The following ISCU variants were observed in gnomAD, a reference collection of about 807,000 sequenced individuals.
ISCU encodes iron-sulfur cluster assembly enzyme.
Under a neutral mutation model 18.4 loss-of-function variants are expected in ISCU, and 13 were observed. That is an observed-to-expected ratio of 0.71 (90% CI 0.46 to 1.12). The LOEUF is 1.12. Among genes scored for constraint, ISCU ranks in the 50% most tolerant of loss-of-function variants. ISCU has a pLI of 0.00. For synonymous variants in ISCU, 104 were observed against 87.5 expected (o/e 1.19, Z -1.06); for missense variants, 229 against 208.7 (o/e 1.10, Z -0.60).
At chr12:108,566,469 T>G (rs1313941623) in intron 3 of ISCU, among the ~76,000 whole-genome samples, 1 of 152,222 alleles carries the variant, frequency 6.6e-6, no homozygotes, top group Admixed American at 6.5e-5. Flanking sequence ...GAGCAGAACC[T>G]GAATCAACCA....
intron 2 of ISCU, 89 bp downstream of exon 2, chr12:108,564,481 C>T (rs1406508876): frequency 1.2e-6 from 1 of 868,330 alleles, no homozygotes; most frequent in Non-Finnish European, 1.9e-6. Context: ...CATCTTTATT[C>T]CTGTGAGATC....
At chr12:108,561,822 T>C (rs1015750484), upstream of ISCU, among the ~76,000 whole-genome samples, 2 of 151,824 alleles carry the variant, frequency 1.3e-5, no homozygotes, top group Admixed American at 1.3e-4. Context: ...GCTGTTGTTT[T>C]AGAGAGAAAA....
At chr12:108,564,024 C>T in intron 1 of ISCU, 1 of 1,375,746 alleles carries the variant, frequency 7.3e-7, no homozygotes, top group Non-Finnish European at 1.0e-6. Flanking sequence ...TCCTATGGAA[C>T]TAAGACATGA....
At position 108,569,170 on chromosome 12, in the gene ISCU, A is replaced by G; in HGVS notation, c.*254A>G. ...TATTTTGAATTGTGTGTATGACCTC[A>G]GAACTGAAATTGATAATGAAGTTGC... is the stretch of plus-strand genomic sequence containing the variant. On this transcript the variant is annotated 3_prime_UTR_variant, in exon 5 of 5. Coordinates refer to ENST00000311893, the MANE Select transcript of ISCU (RefSeq NM_213595.4). 2.0e-6 allele frequency: 1 copy of G among 498,604 alleles called. No homozygotes were observed. The highest frequency in any genetic ancestry group is 2.2e-5 in the South Asian group (1 of 45,394). 30.9% of individuals were successfully genotyped at this position (498,604 alleles called of 1,614,324 possible). A position where few individuals can be genotyped will look rare whatever the true frequency, so the allele number is the denominator to read the frequency against.
chr12:108,568,127 C>T (rs2030987511), intron 4 of ISCU: 2 of 1,366,822 alleles, frequency 1.5e-6, no homozygotes, highest in Non-Finnish European at 1.9e-6. Flanking sequence ...TTTAAGTACC[C>T]ATAAAGAAAG....
upstream of ISCU, among the ~76,000 whole-genome samples, chr12:108,562,393 A>AC (rs1565872933): frequency 6.6e-6 from 1 of 152,232 alleles, no homozygotes; most frequent in Non-Finnish European, 1.5e-5. Context: ...AGAATCCAGC[A>AC]CCCAGGACAA....
chr12:108,568,895 A>G lies in ISCU; in HGVS notation c.483A>G (p.Lys161=). ...ADYKLKQEPK[K]GEAEKK The stretch of plus-strand genomic sequence containing the variant: ...ACAAATTGAAACAAGAACCCAAAAA[A>G]GGAGAGGCAGAGAAGAAATGAGCCC... Residue 161 remains lysine (K), a synonymous_variant, in exon 5 of 5, where the codon AAA becomes AAG. Coordinates refer to ENST00000311893, the MANE Select transcript of ISCU (RefSeq NM_213595.4). 1 of 1,612,904 alleles carries G rather than the reference A, an allele frequency of 6.2e-7. No individual in the cohort carries two copies. Among genetic ancestry groups the G allele is most frequent in the Non-Finnish European group, 8.5e-7 (1 of 1,179,522 alleles).
chr12:108,564,568 A>G (rs892186153), intron 2 of ISCU, among the ~76,000 whole-genome samples, 176 bp downstream of exon 2: 1 of 152,332 alleles, frequency 6.6e-6, no homozygotes, highest in African/African-American at 2.4e-5. Flanking sequence ...CAGGGCCTCA[A>G]TCGTAGCTCT....
In ISCU at chr12:108,565,416, G is replaced by A; in HGVS notation, c.324G>A (p.Trp108Ter). The A allele has an allele frequency of 6.2e-7, 1 of 1,611,778 alleles. No individual in the cohort carries two copies. Among genetic ancestry groups the A allele is most frequent in the Non-Finnish European group, 8.5e-7 (1 of 1,177,848 alleles). ...AIASSSLATE[W>*]VKGKTVEEAL... ...CCTCCAGCTCATTAGCCACTGAATGGGTGAAAGGAAAGACGGTAAGGTGGC... is the reference window on the plus strand; with the variant it reads ...CCTCCAGCTCATTAGCCACTGAATGAGTGAAAGGAAAGACGGTAAGGTGGC... Residue 108 changes from tryptophan to a stop codon, truncating the protein, a stop_gained, in exon 3 of 5, where the codon TGG (tryptophan) becomes TGA (stop). Transcript: ENST00000311893. LOFTEE classifies it high-confidence loss of function.
intron 1 of ISCU, 65 bp from the exon 2 acceptor site, chr12:108,564,214 C>T: frequency 6.4e-7 from 1 of 1,556,556 alleles, no homozygotes; most frequent in African/African-American, 1.4e-5. Flanking sequence ...GAGGAGCTTA[C>T]CATCAAACCA....
At chr12:108,562,939 G>A (rs1289410378) in intron 1 of ISCU, 4 of 393,772 alleles carry the variant, frequency 1.0e-5, no homozygotes, top group East Asian at 7.4e-5. Context: ...CTTCCAGGGG[G>A]CCCCGCCGCT....
At chr12:108,567,097 C>A in intron 3 of ISCU, 93 bp from the exon 4 acceptor site, 4 of 910,128 alleles carry the variant, frequency 4.4e-6, no homozygotes, top group East Asian at 2.4e-5. Context: ...CCCCACCAAC[C>A]CTGAGAGCCT....
intron 4 of ISCU, chr12:108,568,309 C>G (rs1448428794): frequency 4.5e-6 from 5 of 1,099,810 alleles, no homozygotes; most frequent in Non-Finnish European, 5.5e-6. Context: ...TGAATATTGA[C>G]TCCTAAATAA....
intron 3 of ISCU, among the ~76,000 whole-genome samples, chr12:108,566,757 A>G (rs1398687077): frequency 6.6e-6 from 1 of 152,016 alleles, no homozygotes; most frequent in Non-Finnish European, 1.5e-5. Context: ...AATCTTCCCA[A>G]CCTCTCTGAT....
intron 3 of ISCU, among the ~76,000 whole-genome samples, 183 bp downstream of exon 3, chr12:108,565,614 TTTTG>T (rs747224953): frequency 6.6e-5 from 10 of 152,266 alleles, no homozygotes; most frequent in South Asian, 2.1e-4. Context: ...ATTTTTATTT[TTTTG>T]TTTGTTTGGG....
intron 1 of ISCU, 126 bp downstream of exon 1, chr12:108,562,862 T>G (rs545304005): frequency 8.0e-5 from 38 of 473,414 alleles, no homozygotes; most frequent in African/African-American, 6.9e-4. Context: ...CCTGACTCGC[T>G]TTCCCTTGCT....
chr12:108,568,324 G>A, intron 4 of ISCU: 3 of 1,087,518 alleles, frequency 2.8e-6, no homozygotes, highest in African/African-American at 1.7e-5. Context: ...AAATAAAAGT[G>A]GTCAAACTCT....
chr12:108,562,771 T>C, intron 1 of ISCU, 35 bp downstream of exon 1: 3 of 1,282,232 alleles, frequency 2.3e-6, no homozygotes, highest in Non-Finnish European at 3.1e-6. Context: ...GAATGCCGAC[T>C]CAGCGGAGGC....
At chr12:108,564,248 A>C (rs373844948) in intron 1 of ISCU, 31 bp from the exon 2 acceptor site, 2 of 1,583,612 alleles carry the variant, frequency 1.3e-6, no homozygotes, top group African/African-American at 1.3e-5. Flanking sequence ...ATAGAGAGTG[A>C]ACATGATTTA....
Sources: gnomAD v4.1 joint callset for allele counts (sites outside exome capture counted in the v4.1 genomes callset) on GRCh38, gnomAD v4.1.1 for gene constraint, MANE v1.5 for transcripts, NCBI Gene and HGNC (gene_info 2026-07-23, HGNC 2026-07-21) for gene names.